MYO18B: variants seen among roughly 807,000 people sequenced by gnomAD.
The protein encoded by MYO18B is myosin XVIIIB.
In MYO18B, 204 loss-of-function variants were observed where a neutral mutation model predicts 273.0. That is an observed-to-expected ratio of 0.75 (90% CI 0.67 to 0.84). The LOEUF (loss-of-function observed/expected upper bound fraction) is 0.84, where lower values mean the gene tolerates loss of function less well. Ranked by LOEUF, MYO18B falls within the 40% of genes least tolerant of loss-of-function variation. The pLI, the probability that MYO18B is intolerant of heterozygous loss-of-function variation, is 0.00. For missense variants in MYO18B, 3,212 were observed against 3,287.6 expected (o/e 0.98, Z 0.56); for synonymous variants, 1,330 against 1,305.7 (o/e 1.02, Z -0.40).
intron 34 of MYO18B, among the ~76,000 whole-genome samples, chr22:25,936,593 A>G (rs1031727373): frequency 1.3e-5 from 2 of 152,250 alleles, no homozygotes; most frequent in African/African-American, 2.4e-5. Context: ...GAAATGTTAC[A>G]TGTTATAAAT....
At chr22:26,057,149 C>T in the MYO18B span, among the ~76,000 whole-genome samples, 1 of 152,108 alleles carries the variant, frequency 6.6e-6, no homozygotes, top group Admixed American at 6.5e-5. Context: ...GATATGTTCC[C>T]CTCTTTCCCT....
chr22:25,891,769 A>T (rs755143943), intron 27 of MYO18B, among the ~76,000 whole-genome samples: 1 of 152,182 alleles, frequency 6.6e-6, no homozygotes, highest in African/African-American at 2.4e-5. Flanking sequence ...GCTCACACCT[A>T]TAATCCTAGC....
intron 20 of MYO18B, among the ~76,000 whole-genome samples, chr22:25,848,073 A>G (rs1601338706): frequency 1.3e-5 from 2 of 152,180 alleles, no homozygotes; most frequent in South Asian, 2.1e-4. Flanking sequence ...TATTATTTCT[A>G]GAATTGCCTG....
At chr22:26,003,182 C>A in intron 40 of MYO18B, 83 bp from the exon 41 acceptor site, 1 of 1,265,196 alleles carries the variant, frequency 7.9e-7, no homozygotes, top group South Asian at 1.3e-5. Flanking sequence ...GATTCACACT[C>A]ATGTCTGTCT....
intron 1 of MYO18B, among the ~76,000 whole-genome samples, chr22:25,757,868 A>G (rs2086175343): frequency 6.6e-6 from 1 of 152,208 alleles, no homozygotes; most frequent in African/African-American, 2.4e-5. Context: ...ATTGTACTCA[A>G]TCTTACTTTA....
the MYO18B span, among the ~76,000 whole-genome samples, chr22:26,050,310 T>A: frequency 6.6e-6 from 1 of 152,204 alleles, no homozygotes; most frequent in Non-Finnish European, 1.5e-5. Context: ...GGTTCAGTGT[T>A]CAGTCAAAGC....
chr22:26,037,375 G>C, the MYO18B span, among the ~76,000 whole-genome samples: 1 of 152,132 alleles, frequency 6.6e-6, no homozygotes. Context: ...TTTACAGATG[G>C]GGCAGCTGAG....
intron 12 of MYO18B, among the ~76,000 whole-genome samples, chr22:25,808,779 G>A (rs1171907611): frequency 1.3e-5 from 2 of 152,336 alleles, no homozygotes; most frequent in South Asian, 4.1e-4. Context: ...CATCTGTAAA[G>A]TGGGGATAAT....
At chr22:25,960,288 T>C (rs1016687122) in intron 39 of MYO18B, among the ~76,000 whole-genome samples, 5 of 152,128 alleles carry the variant, frequency 3.3e-5, no homozygotes, top group Non-Finnish European at 5.9e-5. Flanking sequence ...TCTGTGGATG[T>C]ATATATCCTG....
chr22:25,755,123 G>A (rs997781281), intron 1 of MYO18B, among the ~76,000 whole-genome samples: 8 of 152,160 alleles, frequency 5.3e-5, no homozygotes, highest in South Asian at 2.1e-4. Flanking sequence ...GGAGGGGAGG[G>A]TGTCTTTCCT....
At chr22:26,041,352 C>CAA in the MYO18B span, among the ~76,000 whole-genome samples, 1,957 of 62,102 alleles carry the variant, frequency 0.032, 81 homozygotes, top group African/African-American at 0.075. Context: ...CTGTCTCTAC[C>CAA]AAAAAAAAAA....
chr22:25,742,818 A>G (rs1284535315), intron 1 of MYO18B, among the ~76,000 whole-genome samples: 1 of 152,184 alleles, frequency 6.6e-6, no homozygotes, highest in Non-Finnish European at 1.5e-5. Context: ...GGGAAGGGCA[A>G]TGGAAGTTCA....
rs1228715003 is a variant in MYO18B, at chr22:25,823,503, A to G, written c.2522-2A>G. 1.9e-6 allele frequency: 3 copies of G among 1,613,658 alleles called. No individual in the cohort carries two copies. Among genetic ancestry groups the G allele is most frequent in the Admixed American group, 1.7e-5 (1 of 60,008 alleles). ...CACGCCTCTGTTTTGTCCCCTTTGC[A>G]GTGGGTCGGAAGCAGTTCATGAGGT... is the stretch of plus-strand genomic sequence containing the variant. On this transcript the variant is annotated splice_acceptor_variant, in intron 12 of 43. Transcript: ENST00000335473. LOFTEE classifies it high-confidence loss of function.
chr22:25,744,678 G>A (rs1377438441), intron 1 of MYO18B, among the ~76,000 whole-genome samples: 2 of 152,144 alleles, frequency 1.3e-5, no homozygotes, highest in African/African-American at 2.4e-5. Context: ...AGCTTGCAGT[G>A]AGCCGAGATC....
chr22:25,987,301 A>G (rs897877260), intron 39 of MYO18B, among the ~76,000 whole-genome samples: 4 of 152,234 alleles, frequency 2.6e-5, no homozygotes, highest in Non-Finnish European at 5.9e-5. Flanking sequence ...GCCATTAATT[A>G]TCATATGAAC....
intron 33 of MYO18B, among the ~76,000 whole-genome samples, chr22:25,913,662 C>A (rs1335466747): frequency 1.3e-5 from 2 of 152,230 alleles, no homozygotes; most frequent in African/African-American, 2.4e-5. Context: ...GCCATCGTGC[C>A]TGGCCGATTG....
chr22:25,881,356 T>C (rs1028797919), intron 25 of MYO18B, among the ~76,000 whole-genome samples: 1 of 152,236 alleles, frequency 6.6e-6, no homozygotes, highest in Non-Finnish European at 1.5e-5. Context: ...GCTCCTCCTA[T>C]GCAAAAGACT....
chr22:26,060,481 A>G, the MYO18B span, among the ~76,000 whole-genome samples: 1 of 152,246 alleles, frequency 6.6e-6, no homozygotes, highest in African/African-American at 2.4e-5. Flanking sequence ...TGTCTCCCAC[A>G]GGTGTGTTTG....
At chr22:25,873,238 C>T (rs2091097174) in intron 22 of MYO18B, among the ~76,000 whole-genome samples, 1 of 152,116 alleles carries the variant, frequency 6.6e-6, no homozygotes, top group Non-Finnish European at 1.5e-5. Flanking sequence ...GCCGAGGAGG[C>T]ATTGATCAGA....
Sources: gnomAD v4.1 joint callset for allele counts (sites outside exome capture counted in the v4.1 genomes callset) on GRCh38, gnomAD v4.1.1 for gene constraint, MANE v1.5 for transcripts, NCBI Gene and HGNC (gene_info 2026-07-23, HGNC 2026-07-21) for gene names.